Variants in CLNK observed in about 807,000 individuals in gnomAD.
CLNK encodes cytokine-dependent hematopoietic cell linker.
A neutral mutation model predicts 68.6 loss-of-function variants in CLNK; 74 were observed. That is an observed-to-expected ratio of 1.08 (90% CI 0.89 to 1.31). CLNK has a LOEUF of 1.31. Ranked by LOEUF, CLNK falls within the 50% of genes most tolerant of loss-of-function variation. The probability of loss-of-function intolerance (pLI) is 0.00; values close to 1 mark genes in which losing one functional copy is unlikely to be tolerated. For synonymous variants in CLNK, 198 were observed against 172.2 expected (o/e 1.15, Z -1.17); for missense variants, 553 against 515.3 (o/e 1.07, Z -0.71).
intron 10 of CLNK, among the ~76,000 whole-genome samples, chr4:10,541,094 A>C (rs1280071462): frequency 1.3e-5 from 2 of 151,746 alleles, no homozygotes; most frequent in African/African-American, 4.8e-5. Flanking sequence ...TGCACCTGTA[A>C]TCCCAGCTAC....
chr4:10,608,714 CT>C (rs1345663739), intron 2 of CLNK, among the ~76,000 whole-genome samples: 2 of 152,188 alleles, frequency 1.3e-5, no homozygotes, highest in Non-Finnish European at 2.9e-5. Context: ...ATTAAGTAGC[CT>C]CTGTGGGCTG....
rs555849909 is a variant in CLNK, at chr4:10,565,486, G to T, written c.292+523C>A. Among the ~76,000 whole-genome samples the T allele has an allele frequency of 8.5e-4, 129 of 152,344 alleles. 1 individual carries two copies. The highest frequency in any genetic ancestry group is 1.3e-3 in the Non-Finnish European group (87 of 68,030). The stretch of plus-strand genomic sequence containing the variant: ...AGAGACAGAGGTGGGTGTGAAATTA[G>T]GTCCTCTTATTCTTAACAATTGCAG... On this transcript the variant is annotated intron_variant, in intron 6 of 18. Coordinates refer to ENST00000226951, the MANE Select transcript of CLNK (RefSeq NM_052964.4).
In CLNK at chr4:10,538,034, T is replaced by C. The variant is rs986334325; in HGVS notation, c.602+2460A>G. On this transcript the variant is annotated intron_variant, in intron 11 of 18. Coordinates refer to ENST00000226951, the MANE Select transcript of CLNK (RefSeq NM_052964.4). ...TACTGGGTCCCAAGATACTGTTCTT[T>C]CCAGCATGAGGAAACAGAAAGAAGA... is the stretch of plus-strand genomic sequence containing the variant. Among the ~76,000 whole-genome samples, 11 of 152,048 alleles carry C rather than the reference T, an allele frequency of 7.2e-5. No homozygotes were observed. In the East Asian group the frequency reaches 2.1e-3, roughly 29 times the overall value.
intron 2 of CLNK, among the ~76,000 whole-genome samples, chr4:10,615,945 G>A (rs1217649271): frequency 1.3e-5 from 2 of 152,126 alleles, no homozygotes; most frequent in Admixed American, 1.3e-4. Flanking sequence ...TGCTGAAGCT[G>A]GCTTATGCTC....
At chr4:10,505,050 AAGG>A (rs1717235027) in intron 17 of CLNK, among the ~76,000 whole-genome samples, 1 of 152,192 alleles carries the variant, frequency 6.6e-6, no homozygotes, top group South Asian at 2.1e-4. Flanking sequence ...GGGCTTCTGG[AAGG>A]AGGTCTACTA....
At chr4:10,629,149 T>C (rs973794945) in intron 2 of CLNK, among the ~76,000 whole-genome samples, 5 of 152,148 alleles carry the variant, frequency 3.3e-5, no homozygotes, top group Non-Finnish European at 7.3e-5. Flanking sequence ...CTGCGCCTCA[T>C]TGAGGGGTTG....
At chr4:10,537,621 CTTTCTTTCTTTCTT>C (rs1329931334) in intron 11 of CLNK, among the ~76,000 whole-genome samples, 95 of 144,272 alleles carry the variant, frequency 6.6e-4, no homozygotes, top group African/African-American at 1.7e-3. Flanking sequence ...TTCTCTCTCT[CTTTCTTTCTTTCTT>C]TCTCTTTCTT....
Position 10,566,072 on chromosome 4 carries a change from C to T in CLNK, c.229G>A (p.Glu77Lys). Residue 77 changes from glutamate to lysine, a missense_variant, in exon 6 of 19, where the codon GAA (glutamate) becomes AAA (lysine). Physicochemically the swap from Glu to Lys is moderately conservative, Grantham distance 56 (BLOSUM62 1). Coordinates refer to ENST00000226951, the MANE Select transcript of CLNK (RefSeq NM_052964.4). ...DDYDDPELRMEETWQSIKILP... is the reference protein window; with the variant it reads ...DDYDDPELRMKETWQSIKILP... ...ATTTTAATCGACTGCCATGTCTCTT[C>T]CATCCGAAGCTCAGGGTCATCATAG... 2.5e-6 allele frequency: 4 copies of T among 1,613,944 alleles called. No homozygotes were observed. The highest frequency in any genetic ancestry group is 3.4e-6 in the Non-Finnish European group (4 of 1,179,856).
chr4:10,549,373 G>T (rs1719359271), intron 8 of CLNK, among the ~76,000 whole-genome samples: 1 of 152,120 alleles, frequency 6.6e-6, no homozygotes, highest in Non-Finnish European at 1.5e-5. Flanking sequence ...CTTAAAATTT[G>T]GGGGCCTTAT....
rs551349726 is a variant in CLNK at position 10,560,155 on chromosome 4, G to A, written c.400-1703C>T. ...CTCTCGGAGATGCAGGTCTGCGTGC[G>A]TTTGCACACTGTGTTTACCTCCATC... On this transcript the variant is annotated intron_variant, in intron 7 of 18. Coordinates refer to ENST00000226951, the MANE Select transcript of CLNK (RefSeq NM_052964.4). Among the ~76,000 whole-genome samples, 15 of 152,272 alleles carry A rather than the reference G, an allele frequency of 9.9e-5. No individual in the cohort carries two copies. In the East Asian group the frequency reaches 1.2e-3, roughly 12 times the overall value.
intron 2 of CLNK, among the ~76,000 whole-genome samples, chr4:10,664,229 TA>T (rs11286491): frequency 0.79 from 119,426 of 150,506 alleles, 47,365 homozygotes; most frequent in Non-Finnish European, 0.83. Flanking sequence ...CATTAACAAG[TA>T]AAAAAAAAAA....
intron 8 of CLNK, among the ~76,000 whole-genome samples, chr4:10,546,594 T>C (rs952736574): frequency 2.6e-5 from 4 of 152,226 alleles, no homozygotes; most frequent in African/African-American, 9.6e-5. Context: ...AGCCTTCTTG[T>C]CTTCTAAGCT....
chr4:10,568,858 C>G lies in CLNK; in HGVS notation c.151-2708G>C, dbSNP rs190523508. Among the ~76,000 whole-genome samples the G allele has an allele frequency of 6.2e-4, 95 of 152,196 alleles. 1 individual carries two copies. In the Middle Eastern group the frequency reaches 0.01, roughly 16 times the overall value. On this transcript the variant is annotated intron_variant, in intron 5 of 18. Transcript: ENST00000226951. ...CAGACTTCTGATTGCATCCACTGTG[C>G]GATAATAAATGGTCAAGCTGCCAAA...
At chr4:10,682,671 A>G (rs1474147138) in intron 1 of CLNK, among the ~76,000 whole-genome samples, 2 of 152,204 alleles carry the variant, frequency 1.3e-5, no homozygotes, top group East Asian at 1.9e-4. Flanking sequence ...ATTCATGTCC[A>G]TTTTTGACAA....
intron 11 of CLNK, among the ~76,000 whole-genome samples, chr4:10,537,711 CTTT>C (rs1358023102): frequency 5.0e-5 from 5 of 99,434 alleles, no homozygotes; most frequent in African/African-American, 1.6e-4. Flanking sequence ...TCCTTCCTTT[CTTT>C]CTTTCTTTCT....
rs563487112 is a variant in CLNK at position 10,580,447 on chromosome 4, G to C, written c.112+4480C>G. Reference sequence around the variant, plus strand: ...AAACAGTCTCAGGCAGGCCCTTTCGGAGGGATTCCAGAAGAAGTCATTGTT... The same window carrying C: ...AAACAGTCTCAGGCAGGCCCTTTCGCAGGGATTCCAGAAGAAGTCATTGTT... On this transcript the variant is annotated intron_variant, in intron 4 of 18. Transcript: ENST00000226951. Among the ~76,000 whole-genome samples, 9 of 152,252 alleles carry C rather than the reference G, an allele frequency of 5.9e-5. No homozygotes were observed. In the South Asian group the frequency reaches 1.9e-3, roughly 32 times the overall value.
At chr4:10,493,096 C>T (rs971323037) in intron 18 of CLNK, among the ~76,000 whole-genome samples, 7 of 152,208 alleles carry the variant, frequency 4.6e-5, no homozygotes, top group Non-Finnish European at 1.0e-4. Context: ...GTGGGCAGAA[C>T]ACTTAAGGTC....
chr4:10,689,745 A>ATTTTTTTTTTTTTT (rs71651341), upstream of CLNK, among the ~76,000 whole-genome samples: 244 of 100,064 alleles, frequency 2.4e-3, 21 homozygotes, highest in African/African-American at 6.6e-3. Context: ...AAACCCATGC[A>ATTTTTTTTTTTTTT]TTTTTTTTTT....
intron 2 of CLNK, among the ~76,000 whole-genome samples, chr4:10,627,740 C>T (rs955432721): frequency 1.3e-5 from 2 of 152,146 alleles, no homozygotes; most frequent in African/African-American, 4.8e-5. Flanking sequence ...ACAGGAGCCA[C>T]AGGGCTTGGT....
Sources: allele counts gnomAD v4.1 joint callset (sites outside exome capture counted in the v4.1 genomes callset), GRCh38; gene constraint gnomAD v4.1.1; transcripts MANE v1.5; gene names NCBI Gene and HGNC (gene_info 2026-07-23, HGNC 2026-07-21).